Variants in BTG4 observed in about 807,000 individuals in gnomAD.
BTG4 encodes protein BTG4.
BTG4 carries 10 observed loss-of-function variants against 19.3 expected under a neutral mutation model. That is an observed-to-expected ratio of 0.52 (90% confidence interval 0.32 to 0.88). The LOEUF (loss-of-function observed/expected upper bound fraction) is 0.88, where lower values mean the gene tolerates loss of function less well. Among genes scored for constraint, BTG4 ranks in the 40% least tolerant of loss-of-function variants. The pLI is 0.04. For synonymous variants in BTG4, 91 were observed against 95.7 expected, an observed-to-expected ratio of 0.95 and a Z score of 0.29; for missense variants, 238 against 281.9, an observed-to-expected ratio of 0.84 and a Z score of 1.11.
chr11:111,466,474 T>C (rs138841303), downstream of BTG4, among the ~76,000 whole-genome samples: 9 of 152,318 alleles, frequency 5.9e-5, no homozygotes, highest in Admixed American at 2.6e-4. Flanking sequence ...AGAAAATCTG[T>C]TGCCATCTTC....
At chr11:111,417,500 ATCTTGCAAAAGCTGG>A in the BTG4 span, 140,105 of 152,106 alleles carry the variant, frequency 0.92, 64,869 homozygotes, top group East Asian at 1. Flanking sequence ...TTTTGGTTCC[ATCTTGCAAAAGCTGG>A]GCAGAAAGAA....
In BTG4 at chr11:111,495,390, G is replaced by A. The variant is rs184708094; in HGVS notation, c.511-76C>T. Reference sequence around the variant, plus strand: ...ATATGAACCCATAATTCAAAAGTCAGGCACTTCAAAAGCATAGGGAGCACA... The same window carrying A: ...ATATGAACCCATAATTCAAAAGTCAAGCACTTCAAAAGCATAGGGAGCACA... On this transcript the variant is annotated intron_variant, in intron 4 of 4. Coordinates refer to ENST00000692032, the MANE Select transcript of BTG4 (RefSeq NM_001367975.1). The A allele has an allele frequency of 3.7e-5, 49 of 1,321,870 alleles. No individual in the cohort carries two copies. The African/African-American group carries it at 6.5e-4, about 18-fold the overall frequency. 81.9% of individuals were successfully genotyped at this position (1,321,870 alleles called of 1,614,324 possible).
the BTG4 span, among the ~76,000 whole-genome samples, chr11:111,426,847 C>T: frequency 2.0e-5 from 3 of 152,200 alleles, no homozygotes; most frequent in Non-Finnish European, 2.9e-5. Flanking sequence ...AATATCACCC[C>T]GGAGTTTACT....
the BTG4 span, among the ~76,000 whole-genome samples, chr11:111,407,569 G>T: frequency 6.6e-6 from 1 of 152,194 alleles, no homozygotes; most frequent in African/African-American, 2.4e-5. Flanking sequence ...CTACTTGGGA[G>T]GCTGAGGCAG....
the BTG4 span, chr11:111,450,269 C>T: frequency 1.3e-5 from 2 of 152,600 alleles, no homozygotes; most frequent in Non-Finnish European, 2.9e-5. Context: ...GTTCGCCCTC[C>T]CTTCCTACTG....
the BTG4 span, among the ~76,000 whole-genome samples, chr11:111,406,699 C>T: frequency 6.6e-6 from 1 of 152,188 alleles, no homozygotes; most frequent in African/African-American, 2.4e-5. Flanking sequence ...AGCTGGCATC[C>T]TCCCTCCTGG....
chr11:111,446,322 T>C, the BTG4 span, among the ~76,000 whole-genome samples: 1 of 152,198 alleles, frequency 6.6e-6, no homozygotes. Flanking sequence ...GTGGGGTTCA[T>C]TACAATGTCA....
At chr11:111,484,703 CAAAG>C (rs1163410201) in intron 5 of BTG4, among the ~76,000 whole-genome samples, 1 of 151,808 alleles carries the variant, frequency 6.6e-6, no homozygotes, top group Non-Finnish European at 1.5e-5. Context: ...CACTTTTACA[CAAAG>C]AAAGACAGGA....
At chr11:111,422,716 C>T in the BTG4 span, among the ~76,000 whole-genome samples, 1 of 152,166 alleles carries the variant, frequency 6.6e-6, no homozygotes, top group Admixed American at 6.5e-5. Flanking sequence ...CTCCCGAGGC[C>T]AGAAACAGGA....
At chr11:111,426,340 T>A in the BTG4 span, among the ~76,000 whole-genome samples, 1 of 152,134 alleles carries the variant, frequency 6.6e-6, no homozygotes, top group Admixed American at 6.6e-5. Flanking sequence ...TAGATCCTCC[T>A]GGCAGAAGAC....
the BTG4 span, among the ~76,000 whole-genome samples, chr11:111,396,370 C>T: frequency 9.8e-5 from 15 of 152,286 alleles, no homozygotes; most frequent in Non-Finnish European, 1.9e-4. Context: ...CTTTCCAGGC[C>T]TCTCCCAAGT....
chr11:111,467,443 A>G (rs1285438096), downstream of BTG4: 6 of 475,114 alleles, frequency 1.3e-5, no homozygotes, highest in Non-Finnish European at 2.2e-5. Context: ...TGCAATTTAA[A>G]TTAATGCCCC....
In BTG4 at chr11:111,510,408, A is replaced by G. The variant is rs1442482659; in HGVS notation, c.-27+1773T>C. Reference sequence around the variant, plus strand: ...CTCCCTAATCACCAAAAGCCCAGAAATTAAAACAGTAAACAATTCCCCTGA... The same window carrying G: ...CTCCCTAATCACCAAAAGCCCAGAAGTTAAAACAGTAAACAATTCCCCTGA... On this transcript the variant is annotated intron_variant, in intron 1 of 4. Transcript: ENST00000692032. Among the ~76,000 whole-genome samples, 6 of 152,364 alleles carry G rather than the reference A, an allele frequency of 3.9e-5. No individual in the cohort carries two copies. In the East Asian group the frequency reaches 5.8e-4, roughly 15 times the overall value.
the BTG4 span, among the ~76,000 whole-genome samples, chr11:111,458,739 G>T: frequency 6.6e-6 from 1 of 151,996 alleles, no homozygotes; most frequent in Non-Finnish European, 1.5e-5. Flanking sequence ...GCAAGGAGAA[G>T]TAGGAGTGGC....
the BTG4 span, among the ~76,000 whole-genome samples, chr11:111,413,140 G>T: frequency 1.3e-5 from 2 of 152,186 alleles, no homozygotes; most frequent in Non-Finnish European, 1.5e-5. Context: ...AGGTGGAAAA[G>T]GTTCCAAACA....
chr11:111,461,143 A>G, the BTG4 span, among the ~76,000 whole-genome samples: 1 of 152,200 alleles, frequency 6.6e-6, no homozygotes, highest in East Asian at 1.9e-4. Flanking sequence ...CTCCACCACA[A>G]TGAAAATGAT....
intron 5 of BTG4, among the ~76,000 whole-genome samples, chr11:111,479,297 T>C (rs75853509): frequency 0.011 from 1,630 of 152,094 alleles, 17 homozygotes; most frequent in Non-Finnish European, 0.016. Context: ...GGAGAAACAA[T>C]ACATTCTCAG....
chr11:111,417,596 G>C, the BTG4 span: 1 of 152,166 alleles, frequency 6.6e-6, no homozygotes. Context: ...TTGGGTGCTG[G>C]GTGGTCTGCA....
At chr11:111,505,208 T>G (rs1224634043) in intron 1 of BTG4, among the ~76,000 whole-genome samples, 1 of 152,076 alleles carries the variant, frequency 6.6e-6, no homozygotes, top group Non-Finnish European at 1.5e-5. Context: ...ATTGCCTGAC[T>G]TCAAATTATA....
Sources: gnomAD v4.1 joint callset for allele counts (sites outside exome capture counted in the v4.1 genomes callset) on GRCh38, gnomAD v4.1.1 for gene constraint, MANE v1.5 for transcripts, NCBI Gene and HGNC (gene_info 2026-07-23, HGNC 2026-07-21) for gene names.